ZFP1: variants seen among roughly 807,000 people sequenced by gnomAD.
ZFP1 encodes zinc finger protein 1 homolog.
Under a neutral mutation model 38.5 loss-of-function variants are expected in ZFP1, and 32 were observed. The observed-to-expected ratio is 0.83, with a 90% CI of 0.63 to 1.12. The LOEUF (loss-of-function observed/expected upper bound fraction) is 1.12. Ranked by LOEUF, ZFP1 falls within the 50% of genes most tolerant of loss-of-function variation. The pLI, the probability that ZFP1 is intolerant of heterozygous loss-of-function variation, is 0.00. For missense variants in ZFP1, 616 were observed against 480.8 expected (o/e 1.28, Z -2.63); for synonymous variants, 245 against 168.8 (o/e 1.45, Z -3.50).
chr16:75,166,013 T>G (rs922650427), intron 2 of ZFP1, among the ~76,000 whole-genome samples: 5 of 152,182 alleles, frequency 3.3e-5, no homozygotes, highest in Non-Finnish European at 5.9e-5. Context: ...TTAAAAAAAT[T>G]TTCTACCATT....
chr16:75,147,636 T>C (rs1353627704), upstream of ZFP1, among the ~76,000 whole-genome samples: 3 of 151,982 alleles, frequency 2.0e-5, no homozygotes, highest in Non-Finnish European at 1.5e-5. Flanking sequence ...AATACACTGT[T>C]CTGGTGTGGG....
chr16:75,139,984 G>A, the ZFP1 span, among the ~76,000 whole-genome samples: 1 of 152,114 alleles, frequency 6.6e-6, no homozygotes, highest in Admixed American at 6.6e-5. Flanking sequence ...AAAAGTTGAG[G>A]CTGGCCAGGC....
chr16:75,161,757 A>AAAATATATATATATATATATATATAT (rs1555523069), intron 2 of ZFP1, among the ~76,000 whole-genome samples: 3 of 14,302 alleles, frequency 2.1e-4, no homozygotes, highest in African/African-American at 8.0e-4. Flanking sequence ...AGTTTTATGA[A>AAAATATATATATATATATATATATAT]ATATATATAT....
chr16:75,170,356 T>C lies in ZFP1; in HGVS notation c.*22T>C. 1 of 1,542,242 alleles carries C rather than the reference T, an allele frequency of 6.5e-7. No individual in the cohort carries two copies. Among genetic ancestry groups the C allele is most frequent in the Non-Finnish European group, 8.7e-7 (1 of 1,145,500 alleles). ...CTGAAACTCCAGCCAGGTCTTACTG[T>C]GGAAAACTCCTGCCAGAACTCTTCA... is the stretch of plus-strand genomic sequence containing the variant. On this transcript the variant is annotated 3_prime_UTR_variant, in exon 4 of 4. Coordinates refer to ENST00000570010, the MANE Select transcript of ZFP1 (RefSeq NM_153688.4).
At chr16:75,141,035 G>T in the ZFP1 span, among the ~76,000 whole-genome samples, 1 of 151,992 alleles carries the variant, frequency 6.6e-6, no homozygotes, top group Non-Finnish European at 1.5e-5. Flanking sequence ...TTGAAACCTG[G>T]CAAGGAGAAG....
At chr16:75,154,624 A>G (rs2037380695) in intron 2 of ZFP1, among the ~76,000 whole-genome samples, 1 of 146,328 alleles carries the variant, frequency 6.8e-6, no homozygotes, top group African/African-American at 2.5e-5. Flanking sequence ...TTTAATAGGC[A>G]AGAAAGAAAA....
At chr16:75,165,573 T>A (rs776363365) in intron 2 of ZFP1, among the ~76,000 whole-genome samples, 11 of 152,082 alleles carry the variant, frequency 7.2e-5, no homozygotes, top group Non-Finnish European at 1.3e-4. Context: ...TTTTGTATTT[T>A]TAGTAGAGAT....
At chr16:75,121,596 G>C in the ZFP1 span, among the ~76,000 whole-genome samples, 2 of 152,270 alleles carry the variant, frequency 1.3e-5, no homozygotes, top group Admixed American at 1.3e-4. Context: ...GCCTAGGGTT[G>C]TGAAGCAGGT....
chr16:75,135,882 T>C, the ZFP1 span, among the ~76,000 whole-genome samples: 2 of 152,232 alleles, frequency 1.3e-5, no homozygotes, highest in Non-Finnish European at 2.9e-5. Flanking sequence ...TGGCCCAATC[T>C]TGGCTCACTG....
chr16:75,146,741 C>T (rs868773935), upstream of ZFP1, among the ~76,000 whole-genome samples: 3 of 151,958 alleles, frequency 2.0e-5, no homozygotes, highest in African/African-American at 4.8e-5. Flanking sequence ...GAGTTTGAGA[C>T]GAGCCTGGGC....
chr16:75,124,419 T>C, the ZFP1 span, among the ~76,000 whole-genome samples: 4 of 150,144 alleles, frequency 2.7e-5, no homozygotes, highest in Non-Finnish European at 5.9e-5. Context: ...CTCAGCCTCT[T>C]AAAGTGCTGG....
At chr16:75,158,158 T>C (rs1012943089) in intron 2 of ZFP1, among the ~76,000 whole-genome samples, 1 of 151,964 alleles carries the variant, frequency 6.6e-6, no homozygotes, top group African/African-American at 2.4e-5. Flanking sequence ...TTTATGTTCA[T>C]ATGTTTATAG....
the ZFP1 span, among the ~76,000 whole-genome samples, chr16:75,129,005 G>C: frequency 6.6e-6 from 1 of 151,812 alleles, no homozygotes; most frequent in Non-Finnish European, 1.5e-5. Context: ...GGTCAGGCTG[G>C]TCTCAAACTC....
At position 75,159,180 on chromosome 16, in the gene ZFP1, C is replaced by T. The variant is rs146442512; in HGVS notation, c.15+6214C>T. Among the ~76,000 whole-genome samples the T allele has an allele frequency of 8.6e-4, 128 of 149,510 alleles. 2 individuals carry two copies. Among genetic ancestry groups the T allele is most frequent in the Middle Eastern group, 7.2e-3 (2 of 276 alleles). ...CCAATGTGCTGGGATTTCAGGTATG[C>T]GCCACATGCCTGGCCTCGTTGTTTT... On this transcript the variant is annotated intron_variant, in intron 2 of 3. Transcript: ENST00000570010.
intron 1 of ZFP1, among the ~76,000 whole-genome samples, chr16:75,149,971 G>C (rs2037104949): frequency 2.0e-5 from 3 of 150,072 alleles, no homozygotes; most frequent in Admixed American, 1.3e-4. Context: ...TTTTAGTAGA[G>C]ACGGGGTTTC....
the ZFP1 span, among the ~76,000 whole-genome samples, chr16:75,128,304 G>T: frequency 2.0e-5 from 3 of 152,030 alleles, 1 homozygote; most frequent in Admixed American, 2.0e-4. Flanking sequence ...GGCTGGGCTC[G>T]GCTTTAAAAA....
upstream of ZFP1, among the ~76,000 whole-genome samples, chr16:75,146,615 C>T (rs1246801342): frequency 6.6e-6 from 1 of 152,122 alleles, no homozygotes; most frequent in Non-Finnish European, 1.5e-5. Context: ...AACACTGGTA[C>T]ATGCAGACAG....
At chr16:75,125,731 A>C in the ZFP1 span, among the ~76,000 whole-genome samples, 1 of 152,070 alleles carries the variant, frequency 6.6e-6, no homozygotes, top group Admixed American at 6.6e-5. Flanking sequence ...TATCATTTAA[A>C]TCTCTTCTCT....
the ZFP1 span, among the ~76,000 whole-genome samples, chr16:75,121,344 T>G: frequency 6.6e-6 from 1 of 151,256 alleles, no homozygotes; most frequent in Non-Finnish European, 1.5e-5. Flanking sequence ...CCAGGATGGT[T>G]TCGATCTCCT....
Sources: gnomAD v4.1 joint callset for allele counts (sites outside exome capture counted in the v4.1 genomes callset) on GRCh38, gnomAD v4.1.1 for gene constraint, MANE v1.5 for transcripts, NCBI Gene and HGNC (gene_info 2026-07-23, HGNC 2026-07-21) for gene names.